Variants in SDHAF3 observed in about 807,000 individuals in gnomAD.
The protein encoded by SDHAF3 is succinate dehydrogenase assembly factor 3, mitochondrial.
In SDHAF3, 18 loss-of-function variants were observed where a neutral mutation model predicts 11.5. That is an observed-to-expected ratio of 1.56 (90% CI 1.08 to 2.32). The LOEUF (loss-of-function observed/expected upper bound fraction) is 2.32, where lower values mean the gene tolerates loss of function less well. Among genes scored for constraint, SDHAF3 ranks in the 30% most tolerant of loss-of-function variants. The pLI, the probability that SDHAF3 is intolerant of heterozygous loss-of-function variation, is 0.00. For synonymous variants in SDHAF3, 72 were observed against 59.3 expected, an observed-to-expected ratio of 1.21 and a Z score of -0.99; for missense variants, 200 against 154.4, an observed-to-expected ratio of 1.30 and a Z score of -1.57.
intron 1 of SDHAF3, among the ~76,000 whole-genome samples, chr7:97,153,350 G>GT (rs1433438325): frequency 6.6e-6 from 1 of 152,116 alleles, no homozygotes; most frequent in Non-Finnish European, 1.5e-5. Flanking sequence ...GGTAATATGC[G>GT]TTTAAGTTTC....
At chr7:97,142,979 A>C (rs949688424) in intron 1 of SDHAF3, 17 of 144,674 alleles carry the variant, frequency 1.2e-4, no homozygotes, top group Non-Finnish European at 1.9e-4. Flanking sequence ...TCACTGCTGC[A>C]ACCTCTGTCT....
intron 1 of SDHAF3, among the ~76,000 whole-genome samples, chr7:97,124,928 C>T (rs1791552886): frequency 1.3e-5 from 2 of 152,178 alleles, no homozygotes; most frequent in Admixed American, 1.3e-4. Flanking sequence ...AATACACAAT[C>T]AGGTCATCTG....
At chr7:97,135,581 A>ATG (rs55801981) in intron 1 of SDHAF3, 1,903 of 137,202 alleles carry the variant, frequency 0.014, 39 homozygotes, top group African/African-American at 0.043. Flanking sequence ...TAGTCCCCAT[A>ATG]TGTGTGTGTG....
intron 1 of SDHAF3, among the ~76,000 whole-genome samples, chr7:97,141,107 T>G (rs957697241): frequency 3.3e-5 from 5 of 152,234 alleles, no homozygotes; most frequent in African/African-American, 4.8e-5. Context: ...CGGTCTCCCA[T>G]AGCACTCCCA....
intron 1 of SDHAF3, among the ~76,000 whole-genome samples, chr7:97,128,472 T>C (rs1303415074): frequency 2.0e-5 from 3 of 152,206 alleles, no homozygotes; most frequent in African/African-American, 7.2e-5. Flanking sequence ...GACAGGTGTA[T>C]GTTTCTTTTA....
At chr7:97,143,003 G>T (rs796722641) in intron 1 of SDHAF3, among the ~76,000 whole-genome samples, 1 of 147,616 alleles carries the variant, frequency 6.8e-6, no homozygotes, top group African/African-American at 2.5e-5. Flanking sequence ...GGGTTCAAGC[G>T]ATTCTCCCGC....
chr7:97,137,637 G>T (rs1788949433), intron 1 of SDHAF3, among the ~76,000 whole-genome samples: 1 of 152,112 alleles, frequency 6.6e-6, no homozygotes, highest in Non-Finnish European at 1.5e-5. Flanking sequence ...TATCTTTAAG[G>T]ACTTTATAAG....
intron 1 of SDHAF3, among the ~76,000 whole-genome samples, chr7:97,176,445 C>T (rs942847179): frequency 6.6e-6 from 1 of 152,186 alleles, no homozygotes; most frequent in Admixed American, 6.5e-5. Context: ...TGTTCTGAGT[C>T]TCTTCCCTCC....
At chr7:97,169,710 G>C (rs1378670612) in intron 1 of SDHAF3, among the ~76,000 whole-genome samples, 1 of 151,858 alleles carries the variant, frequency 6.6e-6, no homozygotes, top group Non-Finnish European at 1.5e-5. Context: ...TTTTTCTGTA[G>C]AGTGAAAAGA....
At chr7:97,145,533 TAGTA>T (rs1214812034) in intron 1 of SDHAF3, among the ~76,000 whole-genome samples, 7 of 152,196 alleles carry the variant, frequency 4.6e-5, no homozygotes, top group African/African-American at 9.6e-5. Context: ...TCATTTTTCT[TAGTA>T]AGTTTAAGGG....
intron 1 of SDHAF3, among the ~76,000 whole-genome samples, chr7:97,143,491 A>G (rs143397051): frequency 4.2e-4 from 64 of 152,196 alleles, no homozygotes; most frequent in Admixed American, 2.0e-4. Context: ...AGTCCATTGT[A>G]TCATTCTTAT....
rs1277559212 is a variant in SDHAF3, at chr7:97,181,193, A to G, written c.356A>G (p.Glu119Gly). Reference protein sequence around the residue: ...TKPNRQFSISESMKPKF With the variant: ...TKPNRQFSISGSMKPKF Reference sequence around the variant, plus strand: ...CCCAATAGGCAATTTAGTATTTCTGAGTCTATGAAACCAAAATTTTAGTCT... The same window carrying G: ...CCCAATAGGCAATTTAGTATTTCTGGGTCTATGAAACCAAAATTTTAGTCT... Residue 119 changes from glutamate to glycine, a missense_variant, in exon 2 of 2, where the codon GAG (glutamate) becomes GGG (glycine). Physicochemically the swap from Glu to Gly is moderately conservative, Grantham distance 98. Transcript: ENST00000432641. 6.2e-7 allele frequency: 1 copy of G among 1,612,992 alleles called. No homozygotes were observed. Among genetic ancestry groups the G allele is most frequent in the African/African-American group, 1.3e-5 (1 of 74,850 alleles).
At chr7:97,151,627 T>C (rs1789224918) in intron 1 of SDHAF3, among the ~76,000 whole-genome samples, 1 of 151,528 alleles carries the variant, frequency 6.6e-6, no homozygotes, top group Non-Finnish European at 1.5e-5. Flanking sequence ...GCCTCCCGAG[T>C]AGCTGGGACT....
intron 1 of SDHAF3, among the ~76,000 whole-genome samples, chr7:97,169,616 CTTTAG>C (rs925071781): frequency 5.3e-5 from 8 of 151,752 alleles, no homozygotes; most frequent in African/African-American, 1.7e-4. Context: ...GCATCATGTC[CTTTAG>C]TTTATATAAT....
At chr7:97,136,498 C>T in intron 1 of SDHAF3, 1 of 602,832 alleles carries the variant, frequency 1.7e-6, no homozygotes, top group Non-Finnish European at 3.0e-6. Context: ...TATTTTAGTT[C>T]CACTTTTTTT....
intron 1 of SDHAF3, among the ~76,000 whole-genome samples, chr7:97,170,092 T>C (rs1789583527): frequency 6.8e-6 from 1 of 147,000 alleles, no homozygotes; most frequent in Non-Finnish European, 1.5e-5. Flanking sequence ...AGGAGTTGGC[T>C]AGTTCGTTTT....
Position 97,181,395 on chromosome 7 carries a change from A to T in SDHAF3, c.*180A>T. 2.1e-6 allele frequency: 1 copy of T among 487,194 alleles called. No homozygotes were observed. The highest frequency in any genetic ancestry group is 3.9e-5 in the Admixed American group (1 of 25,798). 30.2% of individuals were successfully genotyped at this position (487,194 alleles called of 1,614,324 possible). Reference sequence around the variant, plus strand: ...TCACTAGTGACAATTGAAAAAAACTATTGGAATAATAGCACTTGTATGAAA... The same window carrying T: ...TCACTAGTGACAATTGAAAAAAACTTTTGGAATAATAGCACTTGTATGAAA... On this transcript the variant is annotated 3_prime_UTR_variant, in exon 2 of 2. Coordinates refer to ENST00000432641, the MANE Select transcript of SDHAF3 (RefSeq NM_020186.3).
chr7:97,178,586 G>A (rs913048481), intron 1 of SDHAF3, among the ~76,000 whole-genome samples: 1 of 151,968 alleles, frequency 6.6e-6, no homozygotes, highest in Admixed American at 6.6e-5. Context: ...ATCTCATTGT[G>A]GTTTTGATTT....
intron 1 of SDHAF3, among the ~76,000 whole-genome samples, chr7:97,123,826 C>T (rs1204651052): frequency 2.1e-5 from 3 of 142,062 alleles, no homozygotes; most frequent in East Asian, 4.2e-4. Context: ...TCATATCCTT[C>T]GCCCACTTTT....
Sources: gnomAD v4.1 joint callset for allele counts (sites outside exome capture counted in the v4.1 genomes callset) on GRCh38, gnomAD v4.1.1 for gene constraint, MANE v1.5 for transcripts, NCBI Gene and HGNC (gene_info 2026-07-23, HGNC 2026-07-21) for gene names.